Variants in PCDHGA7 observed in about 807,000 individuals in gnomAD.
PCDHGA7 encodes the protein protocadherin gamma subfamily A, 7, also known as protocadherin gamma-A7.
In PCDHGA7, 44 loss-of-function variants were observed where a neutral mutation model predicts 58.3. That is an observed-to-expected ratio of 0.75 (90% CI 0.59 to 0.97). The LOEUF (loss-of-function observed/expected upper bound fraction) is 0.97. PCDHGA7 is among the 50% of genes least tolerant of loss of function. The pLI, the probability that PCDHGA7 is intolerant of heterozygous loss-of-function variation, is 0.00. For synonymous variants in PCDHGA7, 516 were observed against 504.2 expected (o/e 1.02, Z -0.31); for missense variants, 1,266 against 1,188.7 (o/e 1.06, Z -0.96).
chr5:141,473,233 C>T (rs116489525), intron 1 of PCDHGA7, among the ~76,000 whole-genome samples: 1,684 of 152,238 alleles, frequency 0.011, 34 homozygotes, highest in African/African-American at 0.039. Flanking sequence ...ATTGGATCCA[C>T]ACAAGTGAAT....
chr5:141,389,157 C>T lies in PCDHGA7; in HGVS notation c.2424+3834C>T, dbSNP rs192156139. The T allele has an allele frequency of 2.5e-6, 4 of 1,613,976 alleles. No homozygotes were observed. The East Asian group carries it at 6.7e-5, about 27-fold the overall frequency. ...CAATATAACCGTTACGGCAACAGAT[C>T]GGGGCAAGCCTCCCCTCTCCTCCAG... is the stretch of plus-strand genomic sequence containing the variant. On this transcript the variant is annotated intron_variant, in intron 1 of 3. Coordinates refer to ENST00000518325, the MANE Select transcript of PCDHGA7 (RefSeq NM_018920.4).
rs376937850 is a variant in PCDHGA7 at position 141,491,097 on chromosome 5, C to T, written c.2425-3710C>T. The T allele has an allele frequency of 1.2e-6, 2 of 1,614,170 alleles. No homozygotes were observed. Among genetic ancestry groups the T allele is most frequent in the Non-Finnish European group, 1.7e-6 (2 of 1,180,018 alleles). On this transcript the variant is annotated intron_variant, in intron 1 of 3. Coordinates refer to ENST00000518325, the MANE Select transcript of PCDHGA7 (RefSeq NM_018920.4). The surrounding 1 kb of genome is among the most constrained non-coding windows in gnomAD (Gnocchi z 6.9). ...CACAGTCCACAGCCCCAGGACTGTT[C>T]CTCGTGTCTACACACACTGGTGAGG...
intron 1 of PCDHGA7, among the ~76,000 whole-genome samples, chr5:141,401,424 T>G (rs1408860840): frequency 6.6e-6 from 1 of 152,170 alleles, no homozygotes; most frequent in Non-Finnish European, 1.5e-5. Flanking sequence ...AGAGACTGAT[T>G]CACTGAACTT....
At position 141,486,671 on chromosome 5, in the gene PCDHGA7, C is replaced by G. The variant is rs1307620045; in HGVS notation, c.2425-8136C>G. 24 of 1,613,926 alleles carry G rather than the reference C, an allele frequency of 1.5e-5. No homozygotes were observed. The highest frequency in any genetic ancestry group is 2.7e-5 in the African/African-American group (2 of 74,932). Reference sequence around the variant, plus strand: ...CTACTCACTCCTGGAGCCCAGGAATCGAGATGTATCAGCTTCCTCTTTCAT... The same window carrying G: ...CTACTCACTCCTGGAGCCCAGGAATGGAGATGTATCAGCTTCCTCTTTCAT... On this transcript the variant is annotated intron_variant, in intron 1 of 3. Transcript: ENST00000518325. The surrounding 1 kb of genome is among the most constrained non-coding windows in gnomAD (Gnocchi z 5.0).
intron 1 of PCDHGA7, chr5:141,478,265 G>C: frequency 1.2e-6 from 2 of 1,614,196 alleles, no homozygotes; most frequent in Non-Finnish European, 1.7e-6. Flanking sequence ...CATATTCAAA[G>C]TTTACAAGTG....
chr5:141,398,905 A>G lies in PCDHGA7; in HGVS notation c.2424+13582A>G, dbSNP rs200564636. ...TCGGGAAAACGTGCCACCAGGCACC[A>G]CTGTGTTGCAAGTGTCAGCCACTGA... On this transcript the variant is annotated intron_variant, in intron 1 of 3. Coordinates refer to ENST00000518325, the MANE Select transcript of PCDHGA7 (RefSeq NM_018920.4). 1.2e-3 allele frequency: 1,935 copies of G among 1,613,984 alleles called. 4 individuals carry two copies. Among genetic ancestry groups the G allele is most frequent in the Middle Eastern group, 3.5e-3 (21 of 6,062 alleles).
chr5:141,384,553 G>C lies in PCDHGA7; in HGVS notation c.1654G>C (p.Val552Leu). 1 of 1,614,270 alleles carries C rather than the reference G, an allele frequency of 6.2e-7. No individual in the cohort carries two copies. Among genetic ancestry groups the C allele is most frequent in the Non-Finnish European group, 8.5e-7 (1 of 1,180,048 alleles). The change falls in exon 1 of 4, where the codon GTG becomes CTG. Residue 552 changes from valine (V) to leucine (L), a missense_variant. Coordinates refer to ENST00000518325, the MANE Select transcript of PCDHGA7 (RefSeq NM_018920.4). ...LSSNMSLSLF[V>L]LDQNDNPPEI... ...CAGCAACATGTCACTGAGCCTGTTC[G>C]TGCTGGACCAGAATGACAACCCGCC...
chr5:141,408,922 G>C, intron 1 of PCDHGA7: 1 of 1,613,222 alleles, frequency 6.2e-7, no homozygotes. Context: ...ATAACCCCCC[G>C]GTTTTCAGCA....
intron 1 of PCDHGA7, among the ~76,000 whole-genome samples, chr5:141,459,376 G>A (rs72790056): frequency 0.022 from 3,347 of 152,266 alleles, 53 homozygotes; most frequent in South Asian, 0.04. Flanking sequence ...TATCAGCAGC[G>A]TGTTCCATTT....
In PCDHGA7 at chr5:141,431,357, C is replaced by G. The variant is rs762220618; in HGVS notation, c.2424+46034C>G. 1.9e-5 allele frequency: 31 copies of G among 1,613,926 alleles called. No homozygotes were observed. Among genetic ancestry groups the G allele is most frequent in the Non-Finnish European group, 2.2e-5 (26 of 1,180,046 alleles). On this transcript the variant is annotated intron_variant, in intron 1 of 3. Coordinates refer to ENST00000518325, the MANE Select transcript of PCDHGA7 (RefSeq NM_018920.4). The surrounding 1 kb of genome is among the most constrained non-coding windows in gnomAD (Gnocchi z 4.8). ...CCCCGAATTGGTGCTGAAACGCGCC[C>G]TGGACCGCGAAGAAAAGGCTGCTCA...
chr5:141,432,173 GTC>G lies in PCDHGA7; in HGVS notation c.2424+46854_2424+46855del. 6.2e-7 allele frequency: 1 copy of G among 1,614,054 alleles called. No individual in the cohort carries two copies. Among genetic ancestry groups the G allele is most frequent in the Non-Finnish European group, 8.5e-7 (1 of 1,180,018 alleles). Reference sequence around the variant, plus strand: ...GAACAATCCCAGAGGAGTTTCCCTCGTCTCTGTGACCGCCCACGACCCCGACT... The same window carrying G: ...GAACAATCCCAGAGGAGTTTCCCTCGTCTGTGACCGCCCACGACCCCGACT... On this transcript the variant is annotated intron_variant, in intron 1 of 3. Coordinates refer to ENST00000518325, the MANE Select transcript of PCDHGA7 (RefSeq NM_018920.4). This position sits in a 1 kb window ranked among gnomAD's most constrained non-coding sequence, Gnocchi z 6.0.
intron 1 of PCDHGA7, among the ~76,000 whole-genome samples, chr5:141,473,916 A>T (rs1014065718): frequency 2.6e-5 from 4 of 152,162 alleles, no homozygotes; most frequent in Non-Finnish European, 4.4e-5. Flanking sequence ...TCTTAAGAAA[A>T]CTATGAGCTG....
Position 141,486,407 on chromosome 5 carries a change from C to T in PCDHGA7, c.2425-8400C>T. The T allele has an allele frequency of 6.2e-7, 1 of 1,614,134 alleles. No individual in the cohort carries two copies. Among genetic ancestry groups the T allele is most frequent in the African/African-American group, 1.3e-5 (1 of 75,046 alleles). ...CCAGTTCTCCCTGGTGACTGCTGGA[C>T]CCTTGGATCGAGAGGCCAAATCTAG... On this transcript the variant is annotated intron_variant, in intron 1 of 3. Coordinates refer to ENST00000518325, the MANE Select transcript of PCDHGA7 (RefSeq NM_018920.4). This position sits in a 1 kb window ranked among gnomAD's most constrained non-coding sequence, Gnocchi z 5.0.
intron 1 of PCDHGA7, among the ~76,000 whole-genome samples, chr5:141,446,777 C>CTT (rs1480571336): frequency 1.3e-5 from 2 of 152,072 alleles, no homozygotes; most frequent in Non-Finnish European, 2.9e-5. Flanking sequence ...GGTTACCATT[C>CTT]TTTTACTCTG....
At position 141,475,845 on chromosome 5, in the gene PCDHGA7, G is replaced by A. The variant is rs2099375736; in HGVS notation, c.2425-18962G>A. On this transcript the variant is annotated intron_variant, in intron 1 of 3. Coordinates refer to ENST00000518325, the MANE Select transcript of PCDHGA7 (RefSeq NM_018920.4). ...CGCTAGCGCGTGTCCTGCTCAGAGA[G>A]CCCGGCGCTAGCTCATTCTTCGTGC... The A allele has an allele frequency of 2.0e-5, 9 of 447,884 alleles. 1 individual carries two copies. In the South Asian group the frequency reaches 2.8e-4, roughly 14 times the overall value. 27.7% of individuals were successfully genotyped at this position (447,884 alleles called of 1,614,324 possible).
intron 1 of PCDHGA7, chr5:141,410,478 C>T (rs767257836): frequency 1.9e-6 from 3 of 1,613,992 alleles, no homozygotes; most frequent in Non-Finnish European, 2.5e-6. Flanking sequence ...ATTGCACATA[C>T]GGGTACAAAA....
At position 141,477,843 on chromosome 5, in the gene PCDHGA7, C is replaced by T; in HGVS notation, c.2425-16964C>T. The T allele has an allele frequency of 6.2e-7, 1 of 1,613,408 alleles. No homozygotes were observed. Among genetic ancestry groups the T allele is most frequent in the Non-Finnish European group, 8.5e-7 (1 of 1,179,796 alleles). On this transcript the variant is annotated intron_variant, in intron 1 of 3. Coordinates refer to ENST00000518325, the MANE Select transcript of PCDHGA7 (RefSeq NM_018920.4). The surrounding 1 kb of genome is among the most constrained non-coding windows in gnomAD (Gnocchi z 4.9). Reference sequence around the variant, plus strand: ...CTATATCCTCGGCCAGGTGGGAGCTCGGTGGAGATGCTGCCTCGAGGTACC... The same window carrying T: ...CTATATCCTCGGCCAGGTGGGAGCTTGGTGGAGATGCTGCCTCGAGGTACC...
chr5:141,432,287 G>T lies in PCDHGA7; in HGVS notation c.2424+46964G>T. 1 of 1,614,216 alleles carries T rather than the reference G, an allele frequency of 6.2e-7. No individual in the cohort carries two copies. The highest frequency in any genetic ancestry group is 8.5e-7 in the Non-Finnish European group (1 of 1,180,030). On this transcript the variant is annotated intron_variant, in intron 1 of 3. Coordinates refer to ENST00000518325, the MANE Select transcript of PCDHGA7 (RefSeq NM_018920.4). This position sits in a 1 kb window ranked among gnomAD's most constrained non-coding sequence, Gnocchi z 6.0. ...ATCGTCCTACGTGTCCATCAACTCC[G>T]ACACTGGGGTACTGTATGCGCTGAG...
chr5:141,408,909 A>G lies in PCDHGA7; in HGVS notation c.2424+23586A>G, dbSNP rs746399377. On this transcript the variant is annotated intron_variant, in intron 1 of 3. Transcript: ENST00000518325. ...ATAGAAATTTCTGTCAAGGATACCA[A>G]TGATAACCCCCCGGTTTTCAGCAGA... 1.3e-5 allele frequency: 21 copies of G among 1,613,442 alleles called. No individual in the cohort carries two copies. In the East Asian group the frequency reaches 2.5e-4, roughly 19 times the overall value.
Sources: gnomAD v4.1 joint callset for allele counts (sites outside exome capture counted in the v4.1 genomes callset) on GRCh38, gnomAD v4.1.1 for gene constraint, Gnocchi (gnomAD v3.1) non-coding constraint, MANE v1.5 for transcripts, NCBI Gene and HGNC (gene_info 2026-07-23, HGNC 2026-07-21) for gene names.